The following PREX2 variants were observed in gnomAD, a reference collection of about 807,000 sequenced individuals.
PREX2 encodes phosphatidylinositol 3,4,5-trisphosphate-dependent Rac exchanger 2 protein.
A neutral mutation model predicts 203.2 loss-of-function variants in PREX2; 107 were observed. The ratio of observed to expected loss-of-function variants is 0.53; its 90% CI spans 0.45 to 0.62. The LOEUF is 0.62. Ranked by LOEUF, PREX2 falls within the 20% of genes least tolerant of loss-of-function variation. PREX2 has a pLI of 0.00. For missense variants in PREX2, 1,777 were observed against 1,955.9 expected, an observed-to-expected ratio of 0.91 and a Z score of 1.72; for synonymous variants, 672 against 663.6, an observed-to-expected ratio of 1.01 and a Z score of -0.19.
intron 35 of PREX2, among the ~76,000 whole-genome samples, chr8:68,162,868 G>A (rs1383846203): frequency 6.6e-6 from 1 of 152,202 alleles, no homozygotes; most frequent in Non-Finnish European, 1.5e-5. Flanking sequence ...TAAGCTCACA[G>A]ACAAATTAAG....
chr8:68,076,718 C>CAT (rs943750376), intron 14 of PREX2, among the ~76,000 whole-genome samples: 2 of 136,796 alleles, frequency 1.5e-5, no homozygotes, highest in African/African-American at 5.6e-5. Flanking sequence ...CACACACACA[C>CAT]ACACACATGC....
chr8:68,056,753 T>C (rs1401684680), intron 10 of PREX2, among the ~76,000 whole-genome samples: 1 of 152,206 alleles, frequency 6.6e-6, no homozygotes, highest in East Asian at 1.9e-4. Flanking sequence ...CAATTTCATA[T>C]GGTTAGTGAA....
chr8:68,152,299 A>AAC (rs1473375239), intron 34 of PREX2, among the ~76,000 whole-genome samples: 1 of 151,192 alleles, frequency 6.6e-6, no homozygotes, highest in Non-Finnish European at 1.5e-5. Flanking sequence ...GAAAAAAAAA[A>AAC]AAAAAAAAAA....
chr8:68,185,052 A>G (rs751806616), intron 35 of PREX2, among the ~76,000 whole-genome samples: 3 of 152,144 alleles, frequency 2.0e-5, no homozygotes, highest in Non-Finnish European at 4.4e-5. Flanking sequence ...CTCACGGCAA[A>G]CATCAGTTCC....
chr8:68,059,237 T>A (rs145077446), intron 10 of PREX2, among the ~76,000 whole-genome samples: 337 of 152,366 alleles, frequency 2.2e-3, no homozygotes, highest in African/African-American at 7.8e-3. Flanking sequence ...CAATATAATA[T>A]TTTTTATTTG....
chr8:68,218,452 A>T (rs1486694996), intron 38 of PREX2, among the ~76,000 whole-genome samples: 1 of 152,196 alleles, frequency 6.6e-6, no homozygotes, highest in African/African-American at 2.4e-5. Context: ...AGACAAAAGA[A>T]ATCAAAAGAC....
At chr8:67,969,154 T>A (rs1805855840) in intron 1 of PREX2, among the ~76,000 whole-genome samples, 1 of 151,960 alleles carries the variant, frequency 6.6e-6, no homozygotes, top group African/African-American at 2.4e-5. Context: ...GAGCACAGTG[T>A]TTGGTTGGGG....
chr8:68,055,787 A>C, intron 9 of PREX2, 43 bp from the exon 10 acceptor site: 2 of 1,573,888 alleles, frequency 1.3e-6, no homozygotes, highest in South Asian at 2.3e-5. Flanking sequence ...TGAATGAATG[A>C]AGAGAATTTT....
At chr8:68,050,856 A>T (rs1046301284) in intron 8 of PREX2, among the ~76,000 whole-genome samples, 2 of 152,138 alleles carry the variant, frequency 1.3e-5, no homozygotes, top group Non-Finnish European at 2.9e-5. Context: ...AGTCTGGGGA[A>T]TATATAAGTA....
chr8:68,196,447 T>C (rs564860896), intron 37 of PREX2, among the ~76,000 whole-genome samples: 212 of 147,248 alleles, frequency 1.4e-3, no homozygotes, highest in Middle Eastern at 0.011. Context: ...TTTTTATATA[T>C]TTAATAAAAT....
At chr8:68,223,813 TG>T (rs1437705401) in intron 38 of PREX2, among the ~76,000 whole-genome samples, 1 of 152,164 alleles carries the variant, frequency 6.6e-6, no homozygotes, top group African/African-American at 2.4e-5. Flanking sequence ...GGACATAGCT[TG>T]TCCAAAAATT....
intron 15 of PREX2, 50 bp downstream of exon 15, chr8:68,077,519 T>G (rs771193230): frequency 3.0e-6 from 4 of 1,335,352 alleles, no homozygotes; most frequent in Non-Finnish European, 4.3e-6. Flanking sequence ...ATCACGTTGG[T>G]TCTTAGGATA....
chr8:68,124,757 G>A (rs1283158728), intron 30 of PREX2, among the ~76,000 whole-genome samples: 1 of 152,066 alleles, frequency 6.6e-6, no homozygotes, highest in Non-Finnish European at 1.5e-5. Flanking sequence ...TGTAACTCAT[G>A]TCACAATAAG....
At chr8:68,222,432 A>G (rs1323968829) in intron 38 of PREX2, among the ~76,000 whole-genome samples, 2 of 149,476 alleles carry the variant, frequency 1.3e-5, no homozygotes, top group Non-Finnish European at 3.0e-5. Flanking sequence ...AAACAATTTT[A>G]GCAAAAAAAA....
intron 5 of PREX2, among the ~76,000 whole-genome samples, chr8:68,028,263 A>G (rs1043293157): frequency 2.0e-5 from 3 of 151,706 alleles, no homozygotes; most frequent in Non-Finnish European, 4.4e-5. Flanking sequence ...ATATAATGAT[A>G]ATGATTAATT....
At chr8:67,990,409 C>T (rs1418576418) in intron 1 of PREX2, among the ~76,000 whole-genome samples, 2 of 151,432 alleles carry the variant, frequency 1.3e-5, no homozygotes, top group East Asian at 3.9e-4. Context: ...AAAAAAAGAA[C>T]TTAGGTCAAC....
intron 1 of PREX2, among the ~76,000 whole-genome samples, chr8:67,976,095 C>T (rs771478420): frequency 3.3e-5 from 5 of 152,080 alleles, no homozygotes; most frequent in East Asian, 1.9e-4. Context: ...TTATAACACA[C>T]GGTTGCAACT....
At chr8:67,998,128 C>T (rs530563206) in intron 1 of PREX2, among the ~76,000 whole-genome samples, 20 of 152,182 alleles carry the variant, frequency 1.3e-4, no homozygotes, top group Admixed American at 1.3e-3. Context: ...CTCATTGGCT[C>T]TGCAGCTGTG....
intron 11 of PREX2, among the ~76,000 whole-genome samples, chr8:68,067,501 T>C (rs1199923058): frequency 1.3e-5 from 2 of 152,076 alleles, no homozygotes. Context: ...TTTTTTATTC[T>C]ATTTTAAATG....
Sources: allele counts gnomAD v4.1 joint callset (sites outside exome capture counted in the v4.1 genomes callset), GRCh38; gene constraint gnomAD v4.1.1; transcripts MANE v1.5; gene names NCBI Gene and HGNC (gene_info 2026-07-23, HGNC 2026-07-21).